The following GPC5 variants were observed in gnomAD, a reference collection of about 807,000 sequenced individuals.
GPC5 encodes glypican 5.
GPC5 carries 47 observed loss-of-function variants against 53.9 expected under a neutral mutation model. The observed-to-expected ratio is 0.87, with a 90% CI of 0.69 to 1.11. The LOEUF is 1.11. GPC5 is among the 50% of genes most tolerant of loss of function. GPC5 has a pLI of 0.00. For synonymous variants in GPC5, 286 were observed against 263.3 expected (o/e 1.09, Z -0.84); for missense variants, 748 against 713.1 (o/e 1.05, Z -0.56).
intron 5 of GPC5, among the ~76,000 whole-genome samples, chr13:91,759,545 G>A (rs754525654): frequency 3.7e-4 from 56 of 151,798 alleles, no homozygotes; most frequent in Middle Eastern, 3.2e-3. Context: ...CCAGCCTCTG[G>A]TAACCATCCT....
intron 6 of GPC5, among the ~76,000 whole-genome samples, chr13:92,012,172 T>G (rs2040667455): frequency 6.6e-6 from 1 of 152,200 alleles, no homozygotes; most frequent in Non-Finnish European, 1.5e-5. Flanking sequence ...TCTTATAAGG[T>G]CATTTCAGTA....
At chr13:92,675,541 G>C (rs1289516013) in intron 7 of GPC5, among the ~76,000 whole-genome samples, 1 of 151,544 alleles carries the variant, frequency 6.6e-6, no homozygotes, top group Non-Finnish European at 1.5e-5. Context: ...AAATTTCCTT[G>C]ATGCTTGGAA....
intron 6 of GPC5, among the ~76,000 whole-genome samples, chr13:92,020,665 A>G (rs529764972): frequency 2.2e-5 from 3 of 137,750 alleles, no homozygotes; most frequent in Admixed American, 8.2e-5. Flanking sequence ...CCTTAGTCCA[A>G]TTTTTTATTA....
chr13:92,049,694 C>T (rs945392693), intron 6 of GPC5, among the ~76,000 whole-genome samples: 5 of 152,034 alleles, frequency 3.3e-5, no homozygotes, highest in African/African-American at 9.7e-5. Flanking sequence ...ACTGTCTCTG[C>T]GCCTATTGAA....
At chr13:91,680,753 A>T (rs1330691165) in intron 2 of GPC5, among the ~76,000 whole-genome samples, 1 of 152,344 alleles carries the variant, frequency 6.6e-6, no homozygotes, top group South Asian at 2.1e-4. Context: ...TTTTCTTCAT[A>T]TACCTTGACC....
At chr13:91,622,014 C>G (rs1038346103) in intron 2 of GPC5, among the ~76,000 whole-genome samples, 1 of 151,918 alleles carries the variant, frequency 6.6e-6, no homozygotes, top group Non-Finnish European at 1.5e-5. Context: ...GTCCGATGTT[C>G]AAGAGTAGGA....
intron 5 of GPC5, among the ~76,000 whole-genome samples, chr13:91,901,296 A>C (rs2039494974): frequency 6.6e-6 from 1 of 152,084 alleles, no homozygotes; most frequent in African/African-American, 2.4e-5. Flanking sequence ...ATTAACTTAA[A>C]AGTAGTTTTG....
chr13:91,831,214 G>A (rs1379527680), intron 5 of GPC5, among the ~76,000 whole-genome samples: 1 of 150,958 alleles, frequency 6.6e-6, no homozygotes, highest in Non-Finnish European at 1.5e-5. Context: ...GTCCGAGTGA[G>A]TCCCAAAACT....
chr13:91,517,344 CAAGTTCA>C (rs1885559458), intron 2 of GPC5, among the ~76,000 whole-genome samples: 1 of 152,206 alleles, frequency 6.6e-6, no homozygotes, highest in African/African-American at 2.4e-5. Context: ...TCATCTCTCT[CAAGTTCA>C]AAGTTCCACA....
intron 7 of GPC5, among the ~76,000 whole-genome samples, chr13:92,458,150 G>A (rs1878342957): frequency 1.3e-5 from 2 of 152,230 alleles, no homozygotes; most frequent in African/African-American, 2.4e-5. Flanking sequence ...ATGTCTGCAT[G>A]TCAGTCATAA....
At chr13:91,488,222 T>C (rs1470384127) in intron 2 of GPC5, among the ~76,000 whole-genome samples, 1 of 152,196 alleles carries the variant, frequency 6.6e-6, no homozygotes, top group East Asian at 1.9e-4. Context: ...AAAACTGATG[T>C]TCTGTATTTT....
chr13:91,803,845 A>T (rs2038176710), intron 5 of GPC5, among the ~76,000 whole-genome samples: 1 of 151,864 alleles, frequency 6.6e-6, no homozygotes, highest in Non-Finnish European at 1.5e-5. Context: ...GTGATGAGAA[A>T]GAGAAATGCA....
At chr13:92,605,108 T>C (rs947834952) in intron 7 of GPC5, among the ~76,000 whole-genome samples, 2 of 152,206 alleles carry the variant, frequency 1.3e-5, no homozygotes, top group African/African-American at 4.8e-5. Context: ...CAACCCATCA[T>C]GATATATAAG....
At chr13:92,321,587 C>T (rs544667476) in intron 7 of GPC5, among the ~76,000 whole-genome samples, 1 of 151,966 alleles carries the variant, frequency 6.6e-6, no homozygotes, top group South Asian at 2.1e-4. Context: ...TGGGACAGAG[C>T]GAGACTCCAT....
At chr13:92,693,872 G>A (rs559778309) in intron 7 of GPC5, among the ~76,000 whole-genome samples, 6 of 152,264 alleles carry the variant, frequency 3.9e-5, no homozygotes, top group Admixed American at 1.3e-4. Flanking sequence ...AGGGCATGTC[G>A]AGATCTTCAC....
chr13:91,793,641 G>C (rs987314082), intron 5 of GPC5, among the ~76,000 whole-genome samples: 6 of 152,030 alleles, frequency 3.9e-5, no homozygotes, highest in Admixed American at 2.0e-4. Flanking sequence ...AACTACCTGA[G>C]ACTGCATAAT....
At chr13:91,411,414 T>C (rs1050865970) in intron 1 of GPC5, among the ~76,000 whole-genome samples, 1 of 152,128 alleles carries the variant, frequency 6.6e-6, no homozygotes, top group African/African-American at 2.4e-5. Context: ...TGCTGGCAAA[T>C]CTCTGTCTGC....
In GPC5 at chr13:92,862,614, G is replaced by C. The variant is rs556875813; in HGVS notation, c.1562-3668G>C. Among the ~76,000 whole-genome samples the C allele has an allele frequency of 4.1e-4, 58 of 142,104 alleles. 1 individual carries two copies. Among genetic ancestry groups the C allele is most frequent in the African/African-American group, 1.5e-3 (57 of 38,148 alleles). The allele number at this position is 142,104 out of a possible 152,430, so 93.2% of individuals were successfully genotyped here. On this transcript the variant is annotated intron_variant, in intron 7 of 7. Transcript: ENST00000377067. ...AATCTGGTGTCAGATATATCTAGTG[G>C]AGATAGATAGACAGATAGATAGATA...
chr13:92,783,838 A>G (rs7326517), intron 7 of GPC5, among the ~76,000 whole-genome samples: 18,880 of 152,104 alleles, frequency 0.12, 2,398 homozygotes, highest in East Asian at 0.66. Flanking sequence ...GAAACAATGA[A>G]CTCAGAAGCC....
Sources: allele counts gnomAD v4.1 joint callset (sites outside exome capture counted in the v4.1 genomes callset), GRCh38; gene constraint gnomAD v4.1.1; transcripts MANE v1.5; gene names NCBI Gene and HGNC (gene_info 2026-07-23, HGNC 2026-07-21).